HEATR3: variants seen among roughly 807,000 people sequenced by gnomAD.
HEATR3 encodes the protein HEAT repeat-containing protein 3.
A neutral mutation model predicts 72.8 loss-of-function variants in HEATR3; 56 were observed. The observed-to-expected ratio is 0.77, with a 90% CI of 0.62 to 0.96. HEATR3 has a LOEUF of 0.96. Ranked by LOEUF, HEATR3 falls within the 40% of genes least tolerant of loss-of-function variation. The pLI is 0.00. For missense variants in HEATR3, 747 were observed against 831.4 expected, an observed-to-expected ratio of 0.90 and a Z score of 1.25; for synonymous variants, 331 against 318.1, an observed-to-expected ratio of 1.04 and a Z score of -0.43.
intron 13 of HEATR3, 93 bp from the exon 14 acceptor site, chr16:50,102,165 TA>T (rs2037380998): frequency 1.0e-6 from 1 of 999,820 alleles, no homozygotes; most frequent in South Asian, 1.7e-5. Flanking sequence ...CATTTGTATA[TA>T]AAATAGTATG....
chr16:50,081,800 T>C (rs1446774556), intron 7 of HEATR3, among the ~76,000 whole-genome samples: 1 of 152,212 alleles, frequency 6.6e-6, no homozygotes, highest in Non-Finnish European at 1.5e-5. Context: ...TGGGGGCACA[T>C]GCAAAAGTAG....
Position 50,105,186 on chromosome 16 carries a change from A to G in HEATR3, c.*125A>G. 1 of 1,104,190 alleles carries G rather than the reference A, an allele frequency of 9.1e-7. No individual in the cohort carries two copies. The highest frequency in any genetic ancestry group is 1.3e-6 in the Non-Finnish European group (1 of 776,430). The allele number at this position is 1,104,190 out of a possible 1,614,324, so 68.4% of individuals were successfully genotyped here. A position where few individuals can be genotyped will look rare whatever the true frequency, so the allele number is the denominator to read the frequency against. On this transcript the variant is annotated 3_prime_UTR_variant, in exon 15 of 15. Transcript: ENST00000299192. ...AATGATTACATTCTGTACATTCTGT[A>G]AAAACTTCAAAACCTGGCCAGGCAT...
At chr16:50,075,733 T>C in intron 6 of HEATR3, 22 bp downstream of exon 6, 1 of 1,597,510 alleles carries the variant, frequency 6.3e-7, no homozygotes, top group Non-Finnish European at 8.6e-7. Flanking sequence ...CCTTACGGCA[T>C]AGTATATTGT....
chr16:50,067,439 G>A (rs1403233186), intron 2 of HEATR3, among the ~76,000 whole-genome samples: 1 of 152,126 alleles, frequency 6.6e-6, no homozygotes, highest in African/African-American at 2.4e-5. Flanking sequence ...AAAATAGGGG[G>A]AAGAATATTC....
At chr16:50,073,091 T>C (rs1027408523) in intron 5 of HEATR3, 1 of 191,048 alleles carries the variant, frequency 5.2e-6, no homozygotes, top group African/African-American at 2.5e-5. Context: ...TTAAATGTAT[T>C]GTGCTACTAT....
In HEATR3 at chr16:50,107,256, CT is replaced by C. The variant is rs372249798; in HGVS notation, c.*2196del. Among the ~76,000 whole-genome samples the C allele has an allele frequency of 5.9e-5, 9 of 152,126 alleles. No individual in the cohort carries two copies. Among genetic ancestry groups the C allele is most frequent in the African/African-American group, 2.2e-4 (9 of 41,426 alleles). On this transcript the variant is annotated 3_prime_UTR_variant, in exon 15 of 15. Coordinates refer to ENST00000299192, the MANE Select transcript of HEATR3 (RefSeq NM_182922.4). ...TAAATATTTGTTGAGTAAATAAATG[CT>C]GGTGATTTTCTCGTTGTTTTGTGTG...
chr16:50,085,673 A>T (rs950574460), intron 10 of HEATR3, among the ~76,000 whole-genome samples: 2 of 151,560 alleles, frequency 1.3e-5, no homozygotes, highest in Admixed American at 6.6e-5. Flanking sequence ...CTACATAGAA[A>T]TTTTTCTAAA....
intron 2 of HEATR3, chr16:50,066,900 T>A (rs558851310): frequency 4.4e-6 from 1 of 229,184 alleles, no homozygotes; most frequent in African/African-American, 2.3e-5. Flanking sequence ...CCAAGACTTT[T>A]GAGCGAGATC....
At chr16:50,069,838 G>A (rs555352989) in intron 3 of HEATR3, among the ~76,000 whole-genome samples, 10 of 152,132 alleles carry the variant, frequency 6.6e-5, no homozygotes, top group Non-Finnish European at 1.3e-4. Flanking sequence ...GGAGATTGGG[G>A]ATAATAATAG....
intron 6 of HEATR3, among the ~76,000 whole-genome samples, chr16:50,077,163 C>T (rs6416785): frequency 0.68 from 102,322 of 151,420 alleles, 34,840 homozygotes; most frequent in South Asian, 0.72. Flanking sequence ...CGTGAGCCAC[C>T]GCGCCTGGCC....
intron 6 of HEATR3, 101 bp downstream of exon 6, chr16:50,075,812 C>T (rs747532365): frequency 3.1e-6 from 3 of 957,040 alleles, no homozygotes; most frequent in Non-Finnish European, 4.8e-6. Context: ...ATTAGGTCTT[C>T]TGTGCTTTTA....
At chr16:50,071,961 TTTCTC>T (rs2036622218) in intron 4 of HEATR3, among the ~76,000 whole-genome samples, 1 of 152,230 alleles carries the variant, frequency 6.6e-6, no homozygotes, top group Admixed American at 6.5e-5. Context: ...CTTATTGTAA[TTTCTC>T]TATTGTAGAC....
intron 12 of HEATR3, among the ~76,000 whole-genome samples, chr16:50,099,480 A>G (rs1271736970): frequency 8.5e-5 from 13 of 152,162 alleles, no homozygotes; most frequent in Admixed American, 8.5e-4. Context: ...AGGGGCTCAC[A>G]CGAGTGATAA....
At chr16:50,103,637 A>G (rs966457398) in intron 14 of HEATR3, among the ~76,000 whole-genome samples, 2 of 152,178 alleles carry the variant, frequency 1.3e-5, no homozygotes, top group Non-Finnish European at 2.9e-5. Context: ...CTATTTTTCA[A>G]CAAGCCTTCC....
At position 50,091,324 on chromosome 16, in the gene HEATR3, G is replaced by A. The variant is rs565778419; in HGVS notation, c.1511-3381G>A. ...TCTACTAAAAATACAAAAATTAGCC[G>A]GGCGTAATGGTGCATGCCTGTAATC... On this transcript the variant is annotated intron_variant, in intron 11 of 14. Coordinates refer to ENST00000299192, the MANE Select transcript of HEATR3 (RefSeq NM_182922.4). Among the ~76,000 whole-genome samples the A allele has an allele frequency of 4.8e-4, 73 of 150,954 alleles. 1 individual carries two copies. The highest frequency in any genetic ancestry group is 1.5e-3 in the Admixed American group (23 of 15,120).
chr16:50,104,899 T>C, intron 14 of HEATR3, 40 bp from the exon 15 acceptor site: 1 of 1,516,494 alleles, frequency 6.6e-7, no homozygotes, highest in Non-Finnish European at 8.9e-7. Flanking sequence ...ATTAATCATA[T>C]CTACCAAGTC....
chr16:50,072,935 G>GTA, intron 5 of HEATR3: 1 of 460,896 alleles, frequency 2.2e-6, no homozygotes, highest in South Asian at 2.6e-5. Flanking sequence ...AGGGAGAAAG[G>GTA]TAATTATGTG....
At chr16:50,099,840 T>C (rs1348588658) in intron 12 of HEATR3, among the ~76,000 whole-genome samples, 1 of 152,250 alleles carries the variant, frequency 6.6e-6, no homozygotes, top group African/African-American at 2.4e-5. Context: ...TCAAAGTAAG[T>C]TCTTACCTTG....
At chr16:50,101,105 G>C (rs959855866) in intron 13 of HEATR3, among the ~76,000 whole-genome samples, 6 of 65,070 alleles carry the variant, frequency 9.2e-5, no homozygotes, top group Non-Finnish European at 2.1e-4. Flanking sequence ...TACTTGCAAA[G>C]CTTTTTTTTT....
Sources: allele counts gnomAD v4.1 joint callset (sites outside exome capture counted in the v4.1 genomes callset), GRCh38; gene constraint gnomAD v4.1.1; transcripts MANE v1.5; gene names NCBI Gene and HGNC (gene_info 2026-07-23, HGNC 2026-07-21).